The following PDS5B variants were observed in gnomAD, a reference collection of about 807,000 sequenced individuals.
PDS5B encodes the protein PDS5 cohesin associated factor B, also known as sister chromatid cohesion protein PDS5 homolog B.
A neutral mutation model predicts 184.1 loss-of-function variants in PDS5B; 51 were observed. That is an observed-to-expected ratio of 0.28 (90% CI 0.22 to 0.35). The LOEUF (loss-of-function observed/expected upper bound fraction) is 0.35. Among genes scored for constraint, PDS5B ranks in the 10% least tolerant of loss-of-function variants. The probability of loss-of-function intolerance (pLI) is 1.00; values close to 1 mark genes in which losing one functional copy is unlikely to be tolerated. For synonymous variants in PDS5B, 566 were observed against 569.2 expected (o/e 0.99, Z 0.08); for missense variants, 1,180 against 1,723.3 (o/e 0.68, Z 5.58).
chr13:32,691,863 T>G (rs543328907), intron 13 of PDS5B, among the ~76,000 whole-genome samples: 1 of 152,276 alleles, frequency 6.6e-6, no homozygotes, highest in South Asian at 2.1e-4. Flanking sequence ...ATCAGACATT[T>G]AAATTTTTCC....
At chr13:32,727,362 A>G (rs1005749004) in intron 19 of PDS5B, among the ~76,000 whole-genome samples, 44 of 152,154 alleles carry the variant, frequency 2.9e-4, no homozygotes, top group African/African-American at 1.1e-3. Flanking sequence ...AATAATGACA[A>G]ATTTCTTTTA....
chr13:32,634,476 A>G (rs2058506928), intron 1 of PDS5B, among the ~76,000 whole-genome samples: 1 of 152,174 alleles, frequency 6.6e-6, no homozygotes, highest in Admixed American at 6.5e-5. Flanking sequence ...ATTATGAATA[A>G]TACTGCCATG....
chr13:32,653,118 A>G (rs1950413443), intron 3 of PDS5B, among the ~76,000 whole-genome samples: 1 of 152,096 alleles, frequency 6.6e-6, no homozygotes, highest in Non-Finnish European at 1.5e-5. Context: ...ACATGGTGAA[A>G]CTTCATCTCT....
intron 1 of PDS5B, among the ~76,000 whole-genome samples, chr13:32,599,188 A>G (rs184716351): frequency 1.3e-5 from 2 of 152,262 alleles, no homozygotes; most frequent in South Asian, 2.1e-4. Context: ...TATAACATTC[A>G]TATTGAGTAG....
At chr13:32,756,703 A>G (rs1442174703) in intron 26 of PDS5B, among the ~76,000 whole-genome samples, 1 of 152,212 alleles carries the variant, frequency 6.6e-6, no homozygotes, top group Non-Finnish European at 1.5e-5. Flanking sequence ...CTTAATTTTT[A>G]GAAGTATTTT....
Position 32,651,779 on chromosome 13 carries a change from TATTTG to T in PDS5B, c.109-20_109-16del, listed in dbSNP as rs1279942246. 7.1e-7 allele frequency: 1 copy of T among 1,407,708 alleles called. No individual in the cohort carries two copies. The highest frequency in any genetic ancestry group is 2.3e-5 in the East Asian group (1 of 43,708). 87.2% of individuals were successfully genotyped at this position (1,407,708 alleles called of 1,614,324 possible). On this transcript the variant is annotated intron_variant, in intron 2 of 34. Transcript: ENST00000315596. ...TGTAGTTTTACATGGAGCATTTCAT[TATTTG>T]ATTTTTTATTTTTGTATAGATGGTT...
chr13:32,657,431 C>A (rs966936531), intron 3 of PDS5B, among the ~76,000 whole-genome samples: 1 of 152,152 alleles, frequency 6.6e-6, no homozygotes, highest in African/African-American at 2.4e-5. Flanking sequence ...TTTCTCCATC[C>A]CTTTACTTTG....
At chr13:32,619,942 G>A (rs1437769166) in intron 1 of PDS5B, among the ~76,000 whole-genome samples, 2 of 151,962 alleles carry the variant, frequency 1.3e-5, no homozygotes, top group African/African-American at 2.4e-5. Flanking sequence ...GGGATTACAG[G>A]GGCCCGCAAC....
At chr13:32,764,377 T>C in intron 30 of PDS5B, 112 bp from the exon 31 acceptor site, 1 of 500,112 alleles carries the variant, frequency 2.0e-6, no homozygotes, top group East Asian at 3.6e-5. Flanking sequence ...AACTGATTCA[T>C]TTTTGAAAAG....
At chr13:32,774,779 G>T (rs568774305) in intron 34 of PDS5B, among the ~76,000 whole-genome samples, 2 of 152,134 alleles carry the variant, frequency 1.3e-5, no homozygotes, top group African/African-American at 4.8e-5. Flanking sequence ...AGATAGAAAA[G>T]TAAAATAATT....
chr13:32,627,586 T>C (rs1485452910), intron 1 of PDS5B, among the ~76,000 whole-genome samples: 1 of 152,138 alleles, frequency 6.6e-6, no homozygotes, highest in Non-Finnish European at 1.5e-5. Flanking sequence ...GTTCTTTCCA[T>C]TGTGATTTGT....
At chr13:32,704,321 A>G (rs373079915) in intron 17 of PDS5B, among the ~76,000 whole-genome samples, 1 of 152,190 alleles carries the variant, frequency 6.6e-6, no homozygotes, top group African/African-American at 2.4e-5. Context: ...GGCATGTGCC[A>G]GCACATCCAG....
chr13:32,773,362 AAAAAGAGTT>A (rs1315428662), intron 34 of PDS5B, 38 bp downstream of exon 34: 2 of 1,552,844 alleles, frequency 1.3e-6, no homozygotes, highest in Non-Finnish European at 1.7e-6. Context: ...TGTGGGATAT[AAAAAGAGTT>A]AGTAAATGTT....
intron 18 of PDS5B, among the ~76,000 whole-genome samples, chr13:32,707,316 G>T (rs1385351714): frequency 2.6e-5 from 4 of 152,076 alleles, no homozygotes; most frequent in African/African-American, 9.7e-5. Flanking sequence ...CAACTCTGCT[G>T]TAGAATGAGC....
At chr13:32,740,866 C>G (rs761848438) in intron 21 of PDS5B, among the ~76,000 whole-genome samples, 1 of 151,578 alleles carries the variant, frequency 6.6e-6, no homozygotes, top group East Asian at 1.9e-4. Flanking sequence ...CGTGATGGAT[C>G]TATAAGTGCT....
At chr13:32,668,668 C>T (rs1223194544) in intron 7 of PDS5B, among the ~76,000 whole-genome samples, 2 of 152,064 alleles carry the variant, frequency 1.3e-5, no homozygotes, top group Admixed American at 6.6e-5. Context: ...GTTTCACTCA[C>T]CTCCAGACAA....
intron 10 of PDS5B, among the ~76,000 whole-genome samples, chr13:32,680,440 A>G (rs1951207944): frequency 1.3e-5 from 2 of 152,218 alleles, no homozygotes; most frequent in African/African-American, 2.4e-5. Flanking sequence ...ATAGAAGAGT[A>G]TCTTATCTAG....
intron 6 of PDS5B, among the ~76,000 whole-genome samples, chr13:32,660,899 G>A (rs1950625716): frequency 6.6e-6 from 1 of 152,098 alleles, no homozygotes; most frequent in Admixed American, 6.6e-5. Flanking sequence ...AATTTCTCAA[G>A]GCAATTACTG....
At chr13:32,639,271 C>T (rs1289460721) in intron 1 of PDS5B, among the ~76,000 whole-genome samples, 1 of 152,014 alleles carries the variant, frequency 6.6e-6, no homozygotes, top group South Asian at 2.1e-4. Context: ...CATTGATGGT[C>T]CTTAAAAAAT....
Sources: allele counts gnomAD v4.1 joint callset (sites outside exome capture counted in the v4.1 genomes callset), GRCh38; gene constraint gnomAD v4.1.1; transcripts MANE v1.5; gene names NCBI Gene and HGNC (gene_info 2026-07-23, HGNC 2026-07-21).